IRAK2: variants seen among roughly 807,000 people sequenced by gnomAD.
IRAK2 encodes the protein interleukin-1 receptor-associated kinase-like 2.
In IRAK2, 57 loss-of-function variants were observed where a neutral mutation model predicts 72.0. The observed-to-expected ratio is 0.79, with a 90% CI of 0.64 to 0.99. The LOEUF (loss-of-function observed/expected upper bound fraction) is 0.99. Among genes scored for constraint, IRAK2 ranks in the 50% least tolerant of loss-of-function variants. The probability of loss-of-function intolerance (pLI) is 0.00; values close to 1 mark genes in which losing one functional copy is unlikely to be tolerated. For missense variants in IRAK2, 790 were observed against 794.4 expected, an observed-to-expected ratio of 0.99 and a Z score of 0.07; for synonymous variants, 293 against 312.7, an observed-to-expected ratio of 0.94 and a Z score of 0.67.
In IRAK2 at chr3:10,237,134, A is replaced by ACATGGC. The variant is rs546402956; in HGVS notation, c.1474-1611_1474-1606dup. On this transcript the variant is annotated intron_variant, in intron 11 of 12. Coordinates refer to ENST00000256458, the MANE Select transcript of IRAK2 (RefSeq NM_001570.4). Reference sequence around the variant, plus strand: ...ACATAATAGAGAGCAGAACTTAGCTACATGGCCACGCCTAGCTCCAAGGAA... The same window carrying ACATGGC: ...ACATAATAGAGAGCAGAACTTAGCTACATGGCCATGGCCACGCCTAGCTCCAAGGAA... Among the ~76,000 whole-genome samples, 272 of 152,384 alleles carry ACATGGC rather than the reference A, an allele frequency of 1.8e-3. 1 individual carries two copies. The highest frequency in any genetic ancestry group is 6.1e-3 in the African/African-American group (255 of 41,600).
At chr3:10,201,050 A>G (rs1323627560) in intron 3 of IRAK2, among the ~76,000 whole-genome samples, 1 of 152,256 alleles carries the variant, frequency 6.6e-6, no homozygotes, top group Non-Finnish European at 1.5e-5. Context: ...AGAAAAAATC[A>G]GGTAACAAAA....
At position 10,210,990 on chromosome 3, in the gene IRAK2, C is replaced by A. The variant is rs192630382; in HGVS notation, c.528+1298C>A. On this transcript the variant is annotated intron_variant, in intron 4 of 12. Transcript: ENST00000256458. ...TCTCCTGCCTCAGCCTCCTGAGTAG[C>A]TGGGATTACATGCACATGCCAGCAT... Among the ~76,000 whole-genome samples the A allele has an allele frequency of 1.2e-3, 180 of 152,198 alleles. 1 individual carries two copies. Among genetic ancestry groups the A allele is most frequent in the African/African-American group, 4.2e-3 (174 of 41,526 alleles).
intron 2 of IRAK2, among the ~76,000 whole-genome samples, chr3:10,180,255 G>A (rs1347605843): frequency 6.6e-6 from 1 of 152,080 alleles, no homozygotes; most frequent in Non-Finnish European, 1.5e-5. Context: ...TCTTCTGCAT[G>A]TACTTAACTG....
At chr3:10,206,883 C>G (rs1355481550) in intron 3 of IRAK2, among the ~76,000 whole-genome samples, 2 of 148,774 alleles carry the variant, frequency 1.3e-5, no homozygotes, top group Admixed American at 1.4e-4. Context: ...TTGATACAGT[C>G]TCGCTCTGTC....
intron 3 of IRAK2, among the ~76,000 whole-genome samples, chr3:10,202,608 G>A (rs1697379173): frequency 6.6e-6 from 1 of 151,750 alleles, no homozygotes; most frequent in African/African-American, 2.4e-5. Context: ...GGGTGACAGA[G>A]TGAGACTCTG....
chr3:10,209,565 TG>T, intron 3 of IRAK2, 23 bp from the exon 4 acceptor site: 1 of 1,489,774 alleles, frequency 6.7e-7, no homozygotes, highest in Non-Finnish European at 9.0e-7. Flanking sequence ...GGCTGCATCC[TG>T]ACCCATAGTC....
chr3:10,207,052 C>G (rs1358925177), intron 3 of IRAK2, among the ~76,000 whole-genome samples: 1 of 151,894 alleles, frequency 6.6e-6, no homozygotes, highest in Non-Finnish European at 1.5e-5. Context: ...GGGGTTTTAC[C>G]ATGTTGGCCA....
At chr3:10,210,118 ACCATGTTGGCCAGCT>A in intron 4 of IRAK2, among the ~76,000 whole-genome samples, 1 of 152,100 alleles carries the variant, frequency 6.6e-6, no homozygotes, top group Non-Finnish European at 1.5e-5. Flanking sequence ...ACGGGGTCTC[ACCATGTTGGCCAGCT>A]TGGTCTCGAA....
chr3:10,195,216 G>A (rs777281267), intron 2 of IRAK2, among the ~76,000 whole-genome samples: 12 of 152,250 alleles, frequency 7.9e-5, no homozygotes, highest in Non-Finnish European at 1.2e-4. Context: ...TGCCAAATGT[G>A]TTTTGACAGA....
chr3:10,225,247 C>CACT (rs1488558607), intron 9 of IRAK2, among the ~76,000 whole-genome samples: 2 of 152,164 alleles, frequency 1.3e-5, no homozygotes, highest in African/African-American at 4.8e-5. Context: ...AGAGGTTCCA[C>CACT]ACTAAGTGTG....
At chr3:10,200,085 A>G (rs1189681142) in intron 2 of IRAK2, among the ~76,000 whole-genome samples, 2 of 151,748 alleles carry the variant, frequency 1.3e-5, no homozygotes, top group Admixed American at 1.3e-4. Context: ...ATGGGGTTTC[A>G]CCATGTTGGC....
chr3:10,165,061 CGGGGA>C lies in IRAK2; in HGVS notation c.94+24_94+28del. ...TGGATGGAGTTCGGTGAGTGCGGCC[CGGGGA>C]GGGGAGGGGACCAGGGCGACCGGAG... is the stretch of plus-strand genomic sequence containing the variant. On this transcript the variant is annotated intron_variant, in intron 1 of 12. Coordinates refer to ENST00000256458, the MANE Select transcript of IRAK2 (RefSeq NM_001570.4). 6.2e-7 allele frequency: 1 copy of C among 1,604,196 alleles called. No homozygotes were observed. The highest frequency in any genetic ancestry group is 1.7e-5 in the Admixed American group (1 of 59,188).
chr3:10,220,077 C>T (rs1250760525), intron 8 of IRAK2, among the ~76,000 whole-genome samples: 1 of 152,324 alleles, frequency 6.6e-6, no homozygotes, highest in South Asian at 2.1e-4. Context: ...CACCTTGCTG[C>T]GTCGCACTGT....
chr3:10,178,287 G>A (rs748162322), intron 2 of IRAK2, among the ~76,000 whole-genome samples: 1 of 152,018 alleles, frequency 6.6e-6, no homozygotes, highest in African/African-American at 2.4e-5. Context: ...GTGAAAACCC[G>A]TCTCTACTAA....
intron 2 of IRAK2, among the ~76,000 whole-genome samples, chr3:10,182,084 C>T (rs373812742): frequency 2.6e-5 from 4 of 151,212 alleles, no homozygotes; most frequent in African/African-American, 9.7e-5. Context: ...TCTCTTCCCT[C>T]AGCCTCCCAA....
chr3:10,233,984 G>A lies in IRAK2; in HGVS notation c.1273-475G>A, dbSNP rs374008920. ...TTCAAGCAATTCCTCTGCCTCAGCC[G>A]CCCTAGTAGCTGTGATTACAGGCGT... is the stretch of plus-strand genomic sequence containing the variant. On this transcript the variant is annotated intron_variant, in intron 10 of 12. Transcript: ENST00000256458. Among the ~76,000 whole-genome samples the A allele has an allele frequency of 2.0e-4, 30 of 151,736 alleles. No individual in the cohort carries two copies. In the South Asian group the frequency reaches 2.9e-3, roughly 15 times the overall value.
chr3:10,213,397 G>A lies in IRAK2; in HGVS notation c.719G>A (p.Arg240Lys). 6.2e-7 allele frequency: 1 copy of A among 1,614,054 alleles called. No homozygotes were observed. The highest frequency in any genetic ancestry group is 8.5e-7 in the Non-Finnish European group (1 of 1,179,960). Residue 240 changes from arginine to lysine, a missense_variant, in exon 5 of 13, where the codon AGA (arginine) becomes AAA (lysine). Physicochemically the swap from Arg to Lys is conservative, Grantham distance 26. Transcript: ENST00000256458. The part of the protein sequence containing the change: ...HGKPFVFKKL[R>K]ETACSSPGSI... Reference sequence around the variant, plus strand: ...AAGCCATTCGTCTTCAAGAAGCTCAGAGAGGTGAGCACTTCTTGGTTTCTA... The same window carrying A: ...AAGCCATTCGTCTTCAAGAAGCTCAAAGAGGTGAGCACTTCTTGGTTTCTA...
intron 2 of IRAK2, among the ~76,000 whole-genome samples, chr3:10,197,030 T>C (rs964041267): frequency 3.9e-5 from 6 of 152,188 alleles, no homozygotes; most frequent in Admixed American, 6.5e-5. Flanking sequence ...TAATGCATAA[T>C]GATTTTGTTG....
intron 2 of IRAK2, among the ~76,000 whole-genome samples, chr3:10,190,150 T>C (rs1697151605): frequency 6.6e-6 from 1 of 150,854 alleles, no homozygotes; most frequent in Non-Finnish European, 1.5e-5. Context: ...CTTACCCGCT[T>C]CTTGGTAGGT....
Sources: gnomAD v4.1 joint callset for allele counts (sites outside exome capture counted in the v4.1 genomes callset) on GRCh38, gnomAD v4.1.1 for gene constraint, MANE v1.5 for transcripts, NCBI Gene and HGNC (gene_info 2026-07-23, HGNC 2026-07-21) for gene names.